MROH1: variants seen among roughly 807,000 people sequenced by gnomAD.
MROH1 encodes the protein maestro heat like repeat family member 1, also known as maestro heat-like repeat-containing protein family member 1.
MROH1 carries 117 observed loss-of-function variants against 116.5 expected under a neutral mutation model. That is an observed-to-expected ratio of 1.00 (90% confidence interval 0.86 to 1.17). MROH1 has a LOEUF of 1.17. Ranked by LOEUF, MROH1 falls within the 50% of genes most tolerant of loss-of-function variation. The pLI is 0.00. For missense variants in MROH1, 1,873 were observed against 1,338.5 expected, an observed-to-expected ratio of 1.40 and a Z score of -6.23; for synonymous variants, 921 against 583.9, an observed-to-expected ratio of 1.58 and a Z score of -8.32.
At chr8:144,194,919 A>G (rs1049487264) in intron 10 of MROH1, among the ~76,000 whole-genome samples, 3 of 151,086 alleles carry the variant, frequency 2.0e-5, no homozygotes, top group African/African-American at 7.3e-5. Context: ...AAAAAGAAAA[A>G]AAAAGTTCTG....
intron 4 of MROH1, chr8:144,175,564 G>A: frequency 1.0e-6 from 1 of 985,258 alleles, no homozygotes; most frequent in Non-Finnish European, 1.2e-6. Flanking sequence ...CGACGTCCCA[G>A]GTGGGGATGG....
chr8:144,228,034 C>A (rs1838134889), intron 14 of MROH1, among the ~76,000 whole-genome samples: 1 of 151,976 alleles, frequency 6.6e-6, no homozygotes, highest in South Asian at 2.1e-4. Context: ...GAATTTGAGA[C>A]CAGCCTGGAC....
At position 144,258,926 on chromosome 8, in the gene MROH1, C is replaced by T. The variant is rs1844439266; in HGVS notation, c.3929+12C>T. On this transcript the variant is annotated intron_variant, in intron 36 of 43. Transcript: ENST00000326134. ...ACCAGGTTGGCCAGGTGAGCGGGCCCAGCCCACTGCAGCTCCAGCACTGGC... is the reference window on the plus strand; with the variant it reads ...ACCAGGTTGGCCAGGTGAGCGGGCCTAGCCCACTGCAGCTCCAGCACTGGC... 2 of 726,760 alleles carry T rather than the reference C, an allele frequency of 2.8e-6. No individual in the cohort carries two copies. The highest frequency in any genetic ancestry group is 1.9e-5 in the Admixed American group (1 of 52,538). The allele number at this position is 726,760 out of a possible 1,614,324, so 45.0% of individuals were successfully genotyped here.
At chr8:144,234,498 GTTTTTT>G (rs1165164431) in intron 14 of MROH1, among the ~76,000 whole-genome samples, 3 of 18,096 alleles carry the variant, frequency 1.7e-4, no homozygotes, top group Admixed American at 8.3e-4. Flanking sequence ...TTTCTTTTTC[GTTTTTT>G]TTTTTTTTTT....
At chr8:144,230,541 T>C (rs940562375) in intron 14 of MROH1, among the ~76,000 whole-genome samples, 3 of 151,732 alleles carry the variant, frequency 2.0e-5, no homozygotes, top group African/African-American at 7.3e-5. Context: ...TGCTGTTGAA[T>C]ATGGCTTGCT....
intron 12 of MROH1, among the ~76,000 whole-genome samples, chr8:144,205,419 T>C (rs1832599844): frequency 6.6e-6 from 1 of 152,140 alleles, no homozygotes; most frequent in South Asian, 2.1e-4. Flanking sequence ...TTGATGACTA[T>C]CTGATTTGAC....
rs1199596854 is a variant in MROH1, at chr8:144,261,466, C to T, written c.4840+117C>T. The T allele has an allele frequency of 2.4e-5, 17 of 696,824 alleles. No individual in the cohort carries two copies. The East Asian group carries it at 3.2e-4, about 13-fold the overall frequency. The allele number at this position is 696,824 out of a possible 1,614,324, so 43.2% of individuals were successfully genotyped here. A position where few individuals can be genotyped will look rare whatever the true frequency, so the allele number is the denominator to read the frequency against. The stretch of plus-strand genomic sequence containing the variant: ...TTTTCCCTGTCACTGGTGACCTCAT[C>T]GTCTCTAGTAATTCACGGAAACTTC... On this transcript the variant is annotated intron_variant, in intron 43 of 43. Transcript: ENST00000326134.
At chr8:144,256,109 C>T (rs1248548965) in intron 35 of MROH1, among the ~76,000 whole-genome samples, 19 of 152,138 alleles carry the variant, frequency 1.2e-4, no homozygotes, top group Admixed American at 6.5e-4. Context: ...CCCAGCAGAG[C>T]GGCCTTTGGC....
At chr8:144,260,623 C>T in intron 39 of MROH1, 54 bp from the exon 40 acceptor site, 1 of 771,132 alleles carries the variant, frequency 1.3e-6, no homozygotes. Flanking sequence ...GCTAGGCAGG[C>T]AGGCCTGCAG....
intron 37 of MROH1, among the ~76,000 whole-genome samples, chr8:144,259,586 TCCCCAAGTCCAGC>T (rs1844590344): frequency 1.3e-5 from 2 of 152,186 alleles, no homozygotes; most frequent in Non-Finnish European, 2.9e-5. Flanking sequence ...GCCTGTACTC[TCCCCAAGTCCAGC>T]TGGGTACATT....
At chr8:144,216,974 C>T (rs868560914) in intron 12 of MROH1, among the ~76,000 whole-genome samples, 4 of 152,116 alleles carry the variant, frequency 2.6e-5, no homozygotes, top group African/African-American at 9.7e-5. Flanking sequence ...AGATGTGAGC[C>T]ATCGCGCCTG....
intron 5 of MROH1, among the ~76,000 whole-genome samples, 159 bp downstream of exon 5, chr8:144,179,745 T>TC (rs1825069542): frequency 1.3e-5 from 2 of 152,164 alleles, no homozygotes; most frequent in African/African-American, 4.8e-5. Flanking sequence ...CCTGCAGGGG[T>TC]GGGGGGTGGT....
intron 3 of MROH1, among the ~76,000 whole-genome samples, chr8:144,165,720 G>C (rs1032761842): frequency 6.7e-6 from 1 of 148,338 alleles, no homozygotes; most frequent in Non-Finnish European, 1.5e-5. Flanking sequence ...GACTACAGGT[G>C]CATGCCACTA....
chr8:144,223,072 G>C (rs375805917), intron 13 of MROH1, 36 bp from the exon 14 acceptor site: 7 of 1,611,944 alleles, frequency 4.3e-6, no homozygotes, highest in African/African-American at 1.3e-5. Flanking sequence ...CAGTCTCTGC[G>C]TCCCCTTCCT....
chr8:144,156,708 CAAAAAAA>C (rs1176108997), intron 1 of MROH1, among the ~76,000 whole-genome samples: 1 of 56,134 alleles, frequency 1.8e-5, no homozygotes, highest in African/African-American at 6.4e-5. Flanking sequence ...GACTCTGTCT[CAAAAAAA>C]AAAAAAAAAA....
chr8:144,228,573 C>T (rs768901594), intron 14 of MROH1, among the ~76,000 whole-genome samples: 7 of 152,178 alleles, frequency 4.6e-5, no homozygotes, highest in Non-Finnish European at 8.8e-5. Context: ...AAGCAATTTC[C>T]CTGCCTCAGC....
chr8:144,186,228 C>T (rs1408406855), intron 7 of MROH1, among the ~76,000 whole-genome samples: 2 of 150,322 alleles, frequency 1.3e-5, no homozygotes, highest in African/African-American at 2.5e-5. Flanking sequence ...CTGAAGTGAT[C>T]CTCCCACCTC....
At chr8:144,212,693 G>A (rs966621256) in intron 12 of MROH1, among the ~76,000 whole-genome samples, 3 of 141,336 alleles carry the variant, frequency 2.1e-5, no homozygotes, top group Non-Finnish European at 3.0e-5. Flanking sequence ...AGGTTCAAGC[G>A]ATTCTCATGC....
At chr8:144,243,820 G>C in intron 25 of MROH1, 43 bp from the exon 26 acceptor site, 6 of 759,932 alleles carry the variant, frequency 7.9e-6, no homozygotes, top group Non-Finnish European at 1.5e-5. Flanking sequence ...GAGGAGAGCT[G>C]GCGTTTCCTC....
Sources: allele counts gnomAD v4.1 joint callset (sites outside exome capture counted in the v4.1 genomes callset), GRCh38; gene constraint gnomAD v4.1.1; transcripts MANE v1.5; gene names NCBI Gene and HGNC (gene_info 2026-07-23, HGNC 2026-07-21).